The following SYDE2 variants were observed in gnomAD, a reference collection of about 807,000 sequenced individuals.
SYDE2 encodes the protein synapse defective Rho GTPase homolog 2, also known as rho GTPase-activating protein SYDE2.
SYDE2 carries 76 observed loss-of-function variants against 91.5 expected under a neutral mutation model. The observed-to-expected ratio is 0.83, with a 90% CI of 0.69 to 1.01. The LOEUF (loss-of-function observed/expected upper bound fraction) is 1.01. Ranked by LOEUF, SYDE2 falls within the 50% of genes least tolerant of loss-of-function variation. The probability of loss-of-function intolerance (pLI) is 0.00; values close to 1 mark genes in which losing one functional copy is unlikely to be tolerated. For missense variants in SYDE2, 1,364 were observed against 1,367.7 expected (o/e 1.00, Z 0.04); for synonymous variants, 513 against 506.4 (o/e 1.01, Z -0.18).
chr1:85,158,840 GT>G lies in SYDE2; in HGVS notation c.3494del (p.Asn1165ThrfsTer13), dbSNP rs1383432560. ...TACTTTCTTGTAGATCTTTGAGATTGTTTTTTCGATCCACTGTAGACTCAAC... is the reference window on the plus strand; with the variant it reads ...TACTTTCTTGTAGATCTTTGAGATTGTTTTTCGATCCACTGTAGACTCAAC... ...QTVESTVDRK[N>X]NLKDLQESID... On this transcript the variant is annotated frameshift_variant, in exon 7 of 7. Transcript: ENST00000341460. LOFTEE classifies it high-confidence loss of function. 5.2e-6 allele frequency: 4 copies of G among 776,520 alleles called. No individual in the cohort carries two copies. The East Asian group carries it at 9.7e-5, about 19-fold the overall frequency. The allele number at this position is 776,520 out of a possible 1,614,324, so 48.1% of individuals were successfully genotyped here.
At chr1:85,186,327 G>A (rs1006696345) in intron 2 of SYDE2, among the ~76,000 whole-genome samples, 2 of 152,038 alleles carry the variant, frequency 1.3e-5, no homozygotes, top group Admixed American at 1.3e-4. Context: ...AGTTAGGGAG[G>A]ATTCCCTCTT....
At chr1:85,187,323 C>T (rs894447398) in intron 2 of SYDE2, among the ~76,000 whole-genome samples, 12 of 152,260 alleles carry the variant, frequency 7.9e-5, no homozygotes, top group African/African-American at 2.6e-4. Context: ...GAGATACCAT[C>T]TCATACCAGT....
chr1:85,173,927 T>A (rs1414110767), intron 4 of SYDE2, among the ~76,000 whole-genome samples: 1 of 152,056 alleles, frequency 6.6e-6, no homozygotes, highest in African/African-American at 2.4e-5. Context: ...CTTCTAGTAG[T>A]GAAAATTAGG....
chr1:85,194,956 C>G (rs540474874), intron 1 of SYDE2: 10 of 334,094 alleles, frequency 3.0e-5, no homozygotes, highest in South Asian at 1.2e-4. Flanking sequence ...GTCAGGAGAT[C>G]GAGACCATCC....
chr1:85,180,552 G>C (rs919508474), intron 3 of SYDE2, among the ~76,000 whole-genome samples: 2 of 152,004 alleles, frequency 1.3e-5, no homozygotes, highest in African/African-American at 2.4e-5. Flanking sequence ...AATTAGCCAG[G>C]CATGATGGCG....
chr1:85,193,432 T>G (rs1027299241), intron 1 of SYDE2, among the ~76,000 whole-genome samples: 1 of 152,212 alleles, frequency 6.6e-6, no homozygotes, highest in African/African-American at 2.4e-5. Context: ...TTCCAAATTT[T>G]TATATAGCTA....
intron 1 of SYDE2, among the ~76,000 whole-genome samples, chr1:85,196,381 T>A (rs771776989): frequency 1.2e-4 from 19 of 152,122 alleles, no homozygotes; most frequent in Non-Finnish European, 2.1e-4. Context: ...AGGGAATTCA[T>A]ATGGACATTA....
intron 2 of SYDE2, among the ~76,000 whole-genome samples, chr1:85,186,484 T>G (rs978116764): frequency 1.3e-5 from 2 of 152,142 alleles, no homozygotes; most frequent in African/African-American, 2.4e-5. Flanking sequence ...AAGCTACCAA[T>G]GACTTTCTTC....
rs1373828978 is a variant in SYDE2 at position 85,157,276 on chromosome 1, A to G, written c.*1474T>C. ...AAATTACATATTCTGTAGATATAAA[A>G]GTTAAAAAAATACATTTTGATTTAA... On this transcript the variant is annotated 3_prime_UTR_variant, in exon 7 of 7. Coordinates refer to ENST00000341460, the MANE Select transcript of SYDE2 (RefSeq NM_032184.2). 1 of 152,092 alleles carries G rather than the reference A, an allele frequency of 6.6e-6. No individual in the cohort carries two copies. Among genetic ancestry groups the G allele is most frequent in the East Asian group, 1.9e-4 (1 of 5,204 alleles). 9.4% of individuals were successfully genotyped at this position (152,092 alleles called of 1,614,324 possible).
chr1:85,158,533 G>T lies in SYDE2; in HGVS notation c.*217C>A, dbSNP rs913164805. The T allele has an allele frequency of 6.6e-6, 3 of 454,312 alleles. No homozygotes were observed. The South Asian group carries it at 1.2e-4, about 18-fold the overall frequency. The allele number at this position is 454,312 out of a possible 1,614,324, so 28.1% of individuals were successfully genotyped here. On this transcript the variant is annotated 3_prime_UTR_variant, in exon 7 of 7. Coordinates refer to ENST00000341460, the MANE Select transcript of SYDE2 (RefSeq NM_032184.2). ...GGCAAGATTTAGTAAAATATCCCAAGAAGTCCAAGTTTTATTGATCCCCAG... is the reference window on the plus strand; with the variant it reads ...GGCAAGATTTAGTAAAATATCCCAATAAGTCCAAGTTTTATTGATCCCCAG...
At chr1:85,188,071 T>G (rs1292699216) in intron 2 of SYDE2, among the ~76,000 whole-genome samples, 1 of 152,070 alleles carries the variant, frequency 6.6e-6, no homozygotes, top group Non-Finnish European at 1.5e-5. Flanking sequence ...AAGGTGTGTG[T>G]CACTTCATGA....
chr1:85,170,744 A>C (rs533145827), intron 4 of SYDE2, among the ~76,000 whole-genome samples: 6 of 152,230 alleles, frequency 3.9e-5, no homozygotes, highest in Non-Finnish European at 1.5e-5. Context: ...CAGGCCATAG[A>C]GAGCTTCCTT....
chr1:85,179,004 TAA>T (rs746342873), intron 3 of SYDE2, among the ~76,000 whole-genome samples: 10 of 152,224 alleles, frequency 6.6e-5, no homozygotes, highest in Non-Finnish European at 1.2e-4. Context: ...TCTAAAATAT[TAA>T]GTCTTAAGTT....
chr1:85,156,278 G>A (rs1656879978), downstream of SYDE2, among the ~76,000 whole-genome samples: 1 of 152,008 alleles, frequency 6.6e-6, no homozygotes, highest in Admixed American at 6.6e-5. Flanking sequence ...TGGGCATAGT[G>A]GCTCACGCCT....
chr1:85,172,050 C>T (rs1243145877), intron 4 of SYDE2, among the ~76,000 whole-genome samples: 1 of 152,050 alleles, frequency 6.6e-6, no homozygotes, highest in Admixed American at 6.6e-5. Context: ...GAAATATGAT[C>T]AATTGAGCAA....
chr1:85,196,205 C>G (rs773952729), intron 1 of SYDE2, among the ~76,000 whole-genome samples: 9 of 152,208 alleles, frequency 5.9e-5, no homozygotes, highest in Non-Finnish European at 1.0e-4. Flanking sequence ...AGTTTAAGTA[C>G]CAAGTATCAG....
rs1052523704 is a variant in SYDE2 at position 85,200,851 on chromosome 1, C to T, written c.146G>A (p.Arg49Gln). ...CTGCCGAGGGCGTCCGCCGCCTCCC[C>T]GCTCCCCGTCCCGGGGGCAGGCTCG... ...YRRACPRDGE[R>Q]GGGGRPRQQV... The change falls in exon 1 of 7, where the codon CGG (arginine) becomes CAG (glutamine). Residue 49 changes from arginine (R) to glutamine (Q), a missense_variant. Coordinates refer to ENST00000341460, the MANE Select transcript of SYDE2 (RefSeq NM_032184.2). 1 of 1,379,538 alleles carries T rather than the reference C, an allele frequency of 7.2e-7. No homozygotes were observed. The highest frequency in any genetic ancestry group is 3.1e-5 in the East Asian group (1 of 32,504). 85.5% of individuals were successfully genotyped at this position (1,379,538 alleles called of 1,614,324 possible). A position where few individuals can be genotyped will look rare whatever the true frequency, so the allele number is the denominator to read the frequency against.
downstream of SYDE2, among the ~76,000 whole-genome samples, chr1:85,154,895 G>C (rs76441396): frequency 1.3e-3 from 194 of 151,432 alleles, 3 homozygotes; most frequent in East Asian, 0.036. Context: ...TAAAGGCCTT[G>C]TCAAACACAC....
chr1:85,160,695 T>C lies in SYDE2; in HGVS notation c.3086-1446A>G, dbSNP rs552152588. The C allele has an allele frequency of 1.3e-5, 13 of 985,340 alleles. No homozygotes were observed. In the African/African-American group the frequency reaches 2.3e-4, roughly 17 times the overall value. 61.0% of individuals were successfully genotyped at this position (985,340 alleles called of 1,614,324 possible). On this transcript the variant is annotated intron_variant, in intron 6 of 6. Coordinates refer to ENST00000341460, the MANE Select transcript of SYDE2 (RefSeq NM_032184.2). ...TTTGTGCTATTCCTTTTCTTTTTAG[T>C]GCTTAACTGTCATGCCTGTTGTTTT...
Sources: gnomAD v4.1 joint callset for allele counts (sites outside exome capture counted in the v4.1 genomes callset) on GRCh38, gnomAD v4.1.1 for gene constraint, MANE v1.5 for transcripts, NCBI Gene and HGNC (gene_info 2026-07-23, HGNC 2026-07-21) for gene names.